Variants in DHRS7B observed in about 807,000 individuals in gnomAD.
The protein encoded by DHRS7B is dehydrogenase/reductase 7B, also known as peroxisomal reductase activating PPAR-gamma.
In DHRS7B, 24 loss-of-function variants were observed where a neutral mutation model predicts 26.4. The observed-to-expected ratio is 0.91, with a 90% confidence interval of 0.66 to 1.28. DHRS7B has a LOEUF of 1.28. DHRS7B is among the 50% of genes most tolerant of loss of function. DHRS7B has a pLI of 0.00. For synonymous variants in DHRS7B, 142 were observed against 166.4 expected (o/e 0.85, Z 1.13); for missense variants, 368 against 419.4 (o/e 0.88, Z 1.07).
chr17:21,165,164 G>A (rs1974083171), intron 1 of DHRS7B, among the ~76,000 whole-genome samples: 1 of 152,082 alleles, frequency 6.6e-6, no homozygotes, highest in Non-Finnish European at 1.5e-5. Flanking sequence ...CAAGTATGCA[G>A]CATGGTGGTC....
chr17:21,130,577 G>A (rs916548405), intron 1 of DHRS7B, among the ~76,000 whole-genome samples: 4 of 152,022 alleles, frequency 2.6e-5, no homozygotes, highest in African/African-American at 9.7e-5. Flanking sequence ...AGGGACAGAG[G>A]AATAATTTAT....
At position 21,138,089 on chromosome 17, in the gene DHRS7B, T is replaced by TACAC. The variant is rs1567616081; in HGVS notation, c.20+11099_20+11100insCACA. Among the ~76,000 whole-genome samples the TACAC allele has an allele frequency of 3.2e-3, 182 of 57,476 alleles. 1 individual carries two copies. Among genetic ancestry groups the TACAC allele is most frequent in the African/African-American group, 0.013 (164 of 13,100 alleles). 37.7% of individuals were successfully genotyped at this position (57,476 alleles called of 152,430 possible). On this transcript the variant is annotated intron_variant, in intron 1 of 6. Coordinates refer to ENST00000395511, the MANE Select transcript of DHRS7B (RefSeq NM_015510.5). Reference sequence around the variant, plus strand: ...TTTAAAAAAAAAATATATATATATATATATATATATATACACACACACACA... The same window carrying TACAC: ...TTTAAAAAAAAAATATATATATATATACACATATATATATATACACACACACACA...
chr17:21,133,294 T>A (rs981632452), intron 1 of DHRS7B, among the ~76,000 whole-genome samples: 1 of 152,202 alleles, frequency 6.6e-6, no homozygotes, highest in Admixed American at 6.6e-5. Context: ...CCTGATGACA[T>A]GTGCCCAGGG....
At chr17:21,141,631 A>C (rs1268511839) in intron 1 of DHRS7B, among the ~76,000 whole-genome samples, 4 of 143,704 alleles carry the variant, frequency 2.8e-5, no homozygotes, top group Admixed American at 7.0e-5. Flanking sequence ...AAAAAAAAAA[A>C]AAAAAAAAAC....
chr17:21,134,634 A>G (rs865890325), intron 1 of DHRS7B, among the ~76,000 whole-genome samples: 4 of 152,334 alleles, frequency 2.6e-5, no homozygotes, highest in Non-Finnish European at 5.9e-5. Context: ...AGTTTCTCCA[A>G]TTGTGTCCTG....
intron 1 of DHRS7B, among the ~76,000 whole-genome samples, chr17:21,161,893 T>C (rs1450264373): frequency 6.6e-6 from 1 of 152,122 alleles, no homozygotes; most frequent in Non-Finnish European, 1.5e-5. Context: ...CTCCTCTGTG[T>C]TTGCTGGCAT....
chr17:21,167,430 G>A (rs1304132837), intron 1 of DHRS7B, among the ~76,000 whole-genome samples: 1 of 152,188 alleles, frequency 6.6e-6, no homozygotes, highest in Non-Finnish European at 1.5e-5. Context: ...GTGAGCCCCT[G>A]AGCTCTCTCC....
In DHRS7B at chr17:21,141,083, C is replaced by G. The variant is rs57284843; in HGVS notation, c.20+14092C>G. ...GAGAGGGCTCAGAACACTGGGTGAT[C>G]AGTCCTTATATGCGATTCCTGGACG... On this transcript the variant is annotated intron_variant, in intron 1 of 6. Transcript: ENST00000395511. Among the ~76,000 whole-genome samples the G allele has an allele frequency of 9.9e-3, 1,512 of 152,140 alleles. 33 individuals are homozygous for G. Among genetic ancestry groups the G allele is most frequent in the African/African-American group, 0.035 (1,440 of 41,478 alleles).
At chr17:21,143,132 T>C (rs1973561460) in intron 1 of DHRS7B, among the ~76,000 whole-genome samples, 1 of 152,232 alleles carries the variant, frequency 6.6e-6, no homozygotes, top group Non-Finnish European at 1.5e-5. Context: ...TTTCACCATG[T>C]TGGCCAGGCT....
At chr17:21,181,909 C>T (rs552212470) in intron 3 of DHRS7B, among the ~76,000 whole-genome samples, 5 of 152,166 alleles carry the variant, frequency 3.3e-5, no homozygotes, top group South Asian at 4.1e-4. Context: ...TTTACTTTTT[C>T]CTTTCCAAAT....
intron 1 of DHRS7B, among the ~76,000 whole-genome samples, chr17:21,139,479 G>A (rs1973440369): frequency 6.6e-6 from 1 of 152,044 alleles, no homozygotes. Context: ...TTTGAGACCA[G>A]CCTGACCAAT....
At chr17:21,159,915 T>C (rs1194911171) in intron 1 of DHRS7B, among the ~76,000 whole-genome samples, 1 of 148,460 alleles carries the variant, frequency 6.7e-6, no homozygotes, top group African/African-American at 2.5e-5. Context: ...CAAAGAACTG[T>C]TAAAACTCAT....
chr17:21,183,554 C>G (rs1263094620), intron 3 of DHRS7B, 40 bp from the exon 4 acceptor site: 19 of 1,589,414 alleles, frequency 1.2e-5, no homozygotes, highest in Middle Eastern at 2.3e-4. Context: ...AGATGGCCTG[C>G]CACTCAGAAA....
intron 6 of DHRS7B, among the ~76,000 whole-genome samples, chr17:21,189,081 G>T (rs1974718000): frequency 6.6e-6 from 1 of 152,192 alleles, no homozygotes; most frequent in Non-Finnish European, 1.5e-5. Flanking sequence ...CACCATTGCA[G>T]CATTCAGAAC....
chr17:21,179,807 C>T (rs1274963954), intron 3 of DHRS7B, among the ~76,000 whole-genome samples: 2 of 149,094 alleles, frequency 1.3e-5, no homozygotes, highest in African/African-American at 5.0e-5. Flanking sequence ...ACTCTTGTTG[C>T]CGAGGCTGGA....
Position 21,135,627 on chromosome 17 carries a change from T to A in DHRS7B, c.20+8636T>A, listed in dbSNP as rs1256711625. Among the ~76,000 whole-genome samples the A allele has an allele frequency of 8.5e-5, 13 of 152,350 alleles. No homozygotes were observed. The East Asian group carries it at 1.9e-3, about 23-fold the overall frequency. On this transcript the variant is annotated intron_variant, in intron 1 of 6. Coordinates refer to ENST00000395511, the MANE Select transcript of DHRS7B (RefSeq NM_015510.5). ...CATGAAGCCAATTAAATTTGTTTTT[T>A]AAAATTTTATAAATAATCTATAAGA... is the stretch of plus-strand genomic sequence containing the variant.
intron 5 of DHRS7B, among the ~76,000 whole-genome samples, chr17:21,186,045 G>A (rs1567630827): frequency 6.6e-6 from 1 of 152,160 alleles, no homozygotes; most frequent in Non-Finnish European, 1.5e-5. Flanking sequence ...TAATACCACT[G>A]ATTTTTGTTG....
intron 1 of DHRS7B, among the ~76,000 whole-genome samples, chr17:21,144,642 A>G (rs1450909276): frequency 6.6e-6 from 1 of 151,980 alleles, no homozygotes; most frequent in African/African-American, 2.4e-5. Flanking sequence ...ACATGGTGAA[A>G]CGCTGTCTCT....
At chr17:21,159,358 C>T (rs1368466884) in intron 1 of DHRS7B, among the ~76,000 whole-genome samples, 4 of 151,606 alleles carry the variant, frequency 2.6e-5, no homozygotes, top group Non-Finnish European at 4.4e-5. Context: ...AGTGATTCTC[C>T]TGCCTCAGCC....
Sources: allele counts gnomAD v4.1 joint callset (sites outside exome capture counted in the v4.1 genomes callset), GRCh38; gene constraint gnomAD v4.1.1; transcripts MANE v1.5; gene names NCBI Gene and HGNC (gene_info 2026-07-23, HGNC 2026-07-21).